Variants in BMAL1 observed in about 807,000 individuals in gnomAD.
BMAL1 encodes basic helix-loop-helix ARNT-like protein 1.
chr11:13,374,262 A>T, the BMAL1 span: 1 of 1,461,888 alleles, frequency 6.8e-7, no homozygotes, highest in Admixed American at 1.7e-5. Context: ...TAGACTAGTC[A>T]ACATGACCTT....
the BMAL1 span, among the ~76,000 whole-genome samples, chr11:13,295,231 G>A: frequency 6.6e-6 from 1 of 152,220 alleles, no homozygotes; most frequent in Admixed American, 6.5e-5. Flanking sequence ...CTGGCAGCCT[G>A]TGTTCTAGAT....
the BMAL1 span, among the ~76,000 whole-genome samples, chr11:13,364,372 CA>C: frequency 6.6e-6 from 1 of 152,218 alleles, no homozygotes; most frequent in Non-Finnish European, 1.5e-5. Flanking sequence ...AGCACAAGTA[CA>C]TGCACCATTC....
chr11:13,314,770 G>A, the BMAL1 span, among the ~76,000 whole-genome samples: 1 of 152,092 alleles, frequency 6.6e-6, no homozygotes, highest in Non-Finnish European at 1.5e-5. Flanking sequence ...TGCTTTTCTT[G>A]AAGGGTAAGG....
the BMAL1 span, among the ~76,000 whole-genome samples, chr11:13,334,912 G>A: frequency 6.6e-6 from 1 of 152,226 alleles, no homozygotes; most frequent in Non-Finnish European, 1.5e-5. Context: ...CACTGACAGG[G>A]CCAGAAGGGC....
chr11:13,384,661 A>G, the BMAL1 span, among the ~76,000 whole-genome samples: 1 of 152,244 alleles, frequency 6.6e-6, no homozygotes, highest in Non-Finnish European at 1.5e-5. Flanking sequence ...AATAGACTGA[A>G]TGGAAAAACA....
At chr11:13,323,728 T>C in the BMAL1 span, among the ~76,000 whole-genome samples, 422 of 152,310 alleles carry the variant, frequency 2.8e-3, 3 homozygotes, top group African/African-American at 9.0e-3. Context: ...GAAATTCTCG[T>C]GCCTCAGCCT....
the BMAL1 span, among the ~76,000 whole-genome samples, chr11:13,318,788 C>T: frequency 6.6e-6 from 1 of 151,230 alleles, no homozygotes; most frequent in Admixed American, 6.6e-5. Flanking sequence ...GGGAGGGGGG[C>T]CCTTGCAAAT....
chr11:13,309,298 C>T, the BMAL1 span, among the ~76,000 whole-genome samples: 5 of 151,982 alleles, frequency 3.3e-5, no homozygotes, highest in East Asian at 1.9e-4. Context: ...TAGGGTCTAT[C>T]GGGGGAAACC....
At chr11:13,354,200 G>GGCC in the BMAL1 span, 16 of 364,714 alleles carry the variant, frequency 4.4e-5, no homozygotes, top group South Asian at 1.0e-4. Context: ...TCCCCCCCCG[G>GGCC]CCCCCCACCA....
the BMAL1 span, among the ~76,000 whole-genome samples, chr11:13,291,163 AAG>A: frequency 7.2e-5 from 11 of 152,352 alleles, no homozygotes; most frequent in African/African-American, 2.6e-4. Flanking sequence ...ATGTTCATCA[AAG>A]TCACCCTGTA....
chr11:13,348,877 AC>A, the BMAL1 span, among the ~76,000 whole-genome samples: 1 of 152,214 alleles, frequency 6.6e-6, no homozygotes, highest in Non-Finnish European at 1.5e-5. Flanking sequence ...AGGCAAAGAT[AC>A]CCCAAAGACT....
chr11:13,299,641 G>A, the BMAL1 span, among the ~76,000 whole-genome samples: 1 of 152,292 alleles, frequency 6.6e-6, no homozygotes, highest in East Asian at 1.9e-4. Flanking sequence ...AAGCTCTAGA[G>A]TCATTTTCTT....
the BMAL1 span, among the ~76,000 whole-genome samples, chr11:13,339,055 T>A: frequency 1.3e-5 from 2 of 152,200 alleles, no homozygotes; most frequent in African/African-American, 4.8e-5. Context: ...CCTCCAGCTG[T>A]CACATGGGGC....
chr11:13,364,270 A>G, the BMAL1 span, among the ~76,000 whole-genome samples: 8 of 152,218 alleles, frequency 5.3e-5, no homozygotes, highest in African/African-American at 1.9e-4. Flanking sequence ...AACTTAGGAA[A>G]GGATCCTCCC....
chr11:13,328,345 G>T, the BMAL1 span, among the ~76,000 whole-genome samples: 1 of 151,880 alleles, frequency 6.6e-6, no homozygotes, highest in Non-Finnish European at 1.5e-5. Context: ...AAAAATGCTT[G>T]TTTTTTTTCC....
the BMAL1 span, among the ~76,000 whole-genome samples, chr11:13,288,002 G>C: frequency 6.6e-6 from 1 of 152,178 alleles, no homozygotes; most frequent in South Asian, 2.1e-4. Context: ...AAGGGAGGAG[G>C]CTTCATAGAA....
chr11:13,284,242 A>ATG, the BMAL1 span, among the ~76,000 whole-genome samples: 3,473 of 7,808 alleles, frequency 0.44, 714 homozygotes, highest in African/African-American at 0.51. Flanking sequence ...GTGTATATAT[A>ATG]TATATATATA....
chr11:13,352,710 T>C, the BMAL1 span, among the ~76,000 whole-genome samples: 1 of 152,104 alleles, frequency 6.6e-6, no homozygotes, highest in Non-Finnish European at 1.5e-5. Context: ...CTTATCAAAG[T>C]GAAAAAATGG....
chr11:13,317,625 C>T, the BMAL1 span, among the ~76,000 whole-genome samples: 1 of 152,216 alleles, frequency 6.6e-6, no homozygotes, highest in South Asian at 2.1e-4. Context: ...GAAATTCTCC[C>T]TCTCCAAGTT....
Sources: allele counts gnomAD v4.1 joint callset (sites outside exome capture counted in the v4.1 genomes callset), GRCh38; gene constraint gnomAD v4.1.1; transcripts MANE v1.5; gene names NCBI Gene and HGNC (gene_info 2026-07-23, HGNC 2026-07-21).